Variants in MAD1L1 observed in about 807,000 individuals in gnomAD.
The protein encoded by MAD1L1 is mitotic spindle assembly checkpoint protein MAD1.
Under a neutral mutation model 96.9 loss-of-function variants are expected in MAD1L1, and 95 were observed. The observed-to-expected ratio is 0.98, with a 90% confidence interval of 0.83 to 1.16. The LOEUF (loss-of-function observed/expected upper bound fraction) is 1.16, where lower values mean the gene tolerates loss of function less well. MAD1L1 is among the 50% of genes most tolerant of loss of function. The probability of loss-of-function intolerance (pLI) is 0.00; values close to 1 mark genes in which losing one functional copy is unlikely to be tolerated. For synonymous variants in MAD1L1, 473 were observed against 396.6 expected (o/e 1.19, Z -2.29); for missense variants, 1,007 against 954.4 (o/e 1.06, Z -0.73).
At chr7:1,966,823 C>A (rs1413711065) in intron 15 of MAD1L1, among the ~76,000 whole-genome samples, 1 of 152,230 alleles carries the variant, frequency 6.6e-6, no homozygotes, top group Admixed American at 6.5e-5. Context: ...GAGGCGAGGG[C>A]CGCGGGCCGC....
chr7:2,215,095 C>T (rs750326206), intron 9 of MAD1L1, among the ~76,000 whole-genome samples: 1 of 152,120 alleles, frequency 6.6e-6, no homozygotes, highest in East Asian at 1.9e-4. Context: ...TTTAAAAAGC[C>T]TGGCCGGGCA....
intron 18 of MAD1L1, among the ~76,000 whole-genome samples, chr7:1,837,844 C>T (rs1239732000): frequency 6.6e-6 from 1 of 152,224 alleles, no homozygotes; most frequent in Non-Finnish European, 1.5e-5. Flanking sequence ...AAGGGTCTTG[C>T]CTTGATGGCC....
intron 14 of MAD1L1, among the ~76,000 whole-genome samples, chr7:1,995,882 G>A (rs1781531954): frequency 1.3e-5 from 2 of 152,196 alleles, no homozygotes; most frequent in African/African-American, 4.8e-5. Context: ...GCACTTCGTC[G>A]TGGAGCAGGA....
At chr7:2,214,734 G>C (rs188636018) in intron 9 of MAD1L1, among the ~76,000 whole-genome samples, 13 of 152,330 alleles carry the variant, frequency 8.5e-5, no homozygotes, top group Admixed American at 8.5e-4. Flanking sequence ...CTGAACCTCA[G>C]TTTCCTCCTC....
chr7:1,939,082 G>A (rs1160364443), intron 16 of MAD1L1, among the ~76,000 whole-genome samples: 1 of 126,420 alleles, frequency 7.9e-6, no homozygotes, highest in Non-Finnish European at 1.6e-5. Context: ...GCCGGGACCA[G>A]AGGCGCGCAC....
intron 16 of MAD1L1, among the ~76,000 whole-genome samples, chr7:1,948,885 A>C (rs950603075): frequency 3.3e-5 from 5 of 152,162 alleles, no homozygotes; most frequent in Admixed American, 1.3e-4. Context: ...CATCTGCCCC[A>C]CCTGCCTGGA....
At chr7:1,948,542 G>A (rs1779338615) in intron 16 of MAD1L1, among the ~76,000 whole-genome samples, 1 of 152,202 alleles carries the variant, frequency 6.6e-6, no homozygotes, top group African/African-American at 2.4e-5. Context: ...TTCCCGGCCT[G>A]AGACCCTGCT....
At chr7:2,160,172 A>G (rs1275311486) in intron 10 of MAD1L1, among the ~76,000 whole-genome samples, 2 of 151,702 alleles carry the variant, frequency 1.3e-5, no homozygotes, top group African/African-American at 2.4e-5. Flanking sequence ...CAGAGGCTAC[A>G]GTGAGCTATG....
chr7:2,070,437 A>G (rs982042388), intron 11 of MAD1L1, among the ~76,000 whole-genome samples: 2 of 152,122 alleles, frequency 1.3e-5, no homozygotes, highest in Non-Finnish European at 2.9e-5. Context: ...GCCAGGAGAG[A>G]TGAGAGGCCG....
At chr7:2,059,607 G>A (rs1284242022) in intron 12 of MAD1L1, among the ~76,000 whole-genome samples, 1 of 149,630 alleles carries the variant, frequency 6.7e-6, no homozygotes, top group African/African-American at 2.5e-5. Context: ...GGCTGGTGGG[G>A]AAGCGTGGCC....
intron 16 of MAD1L1, among the ~76,000 whole-genome samples, chr7:1,949,229 G>A (rs60724871): frequency 0.028 from 4,319 of 152,284 alleles, 202 homozygotes; most frequent in African/African-American, 0.098. Flanking sequence ...GCTGTCTGTA[G>A]AGTGGTGGCT....
chr7:1,962,790 T>G (rs1176419730), intron 15 of MAD1L1, among the ~76,000 whole-genome samples: 1 of 152,032 alleles, frequency 6.6e-6, no homozygotes, highest in Non-Finnish European at 1.5e-5. Context: ...ATGAAAACCT[T>G]TAAAAAACTA....
At chr7:1,819,864 AC>A (rs1782034928) in intron 18 of MAD1L1, among the ~76,000 whole-genome samples, 1 of 151,772 alleles carries the variant, frequency 6.6e-6, no homozygotes, top group African/African-American at 2.4e-5. Flanking sequence ...CAAGAACAAG[AC>A]CCCCTGCTGC....
At position 2,139,371 on chromosome 7, in the gene MAD1L1, C is replaced by G. The variant is rs1034039417; in HGVS notation, c.1073+9781G>C. Among the ~76,000 whole-genome samples, 21 of 152,058 alleles carry G rather than the reference C, an allele frequency of 1.4e-4. No individual in the cohort carries two copies. The East Asian group carries it at 3.5e-3, about 25-fold the overall frequency. On this transcript the variant is annotated intron_variant, in intron 11 of 18. Coordinates refer to ENST00000265854, the MANE Select transcript of MAD1L1 (RefSeq NM_001013836.2). ...AGTCCAGGGCTTGCCAAGGCGGGAGCGCTGCGGGCCCCAGGACGCACACTG... is the reference window on the plus strand; with the variant it reads ...AGTCCAGGGCTTGCCAAGGCGGGAGGGCTGCGGGCCCCAGGACGCACACTG...
At position 2,217,884 on chromosome 7, in the gene MAD1L1, C is replaced by A. The variant is rs1047204814; in HGVS notation, c.678+78G>T. 2.4e-5 allele frequency: 29 copies of A among 1,229,722 alleles called. No individual in the cohort carries two copies. In the East Asian group the frequency reaches 4.2e-4, roughly 18 times the overall value. The allele number at this position is 1,229,722 out of a possible 1,614,324, so 76.2% of individuals were successfully genotyped here. A position where few individuals can be genotyped will look rare whatever the true frequency, so the allele number is the denominator to read the frequency against. On this transcript the variant is annotated intron_variant, in intron 7 of 18. Transcript: ENST00000265854. ...GAAGGACCACGGAGCTCGGCACCAG[C>A]GCAGAAAGGCCGACAGGGGCAGGAG...
intron 18 of MAD1L1, among the ~76,000 whole-genome samples, chr7:1,821,092 AAGGGG>A (rs1238271699): frequency 3.0e-5 from 4 of 132,274 alleles, no homozygotes; most frequent in Non-Finnish European, 6.3e-5. Context: ...AAAAAAAAAA[AAGGGG>A]GGGGGGAGAG....
intron 12 of MAD1L1, among the ~76,000 whole-genome samples, chr7:2,060,144 T>A (rs770873012): frequency 2.7e-5 from 4 of 149,654 alleles, no homozygotes; most frequent in Non-Finnish European, 5.9e-5. Context: ...GATACGCAGA[T>A]GCCAAGATAC....
chr7:2,160,142 G>A (rs1790031870), intron 10 of MAD1L1, among the ~76,000 whole-genome samples: 1 of 151,484 alleles, frequency 6.6e-6, no homozygotes, highest in Admixed American at 6.6e-5. Context: ...GAGGCGGGAG[G>A]ATCTCTTGAG....
chr7:2,024,115 A>T (rs4721314), intron 12 of MAD1L1, among the ~76,000 whole-genome samples: 7,481 of 151,938 alleles, frequency 0.049, 257 homozygotes, highest in African/African-American at 0.089. Flanking sequence ...CATTAAAAAA[A>T]AAAAATAAAA....
Sources: gnomAD v4.1 joint callset for allele counts (sites outside exome capture counted in the v4.1 genomes callset) on GRCh38, gnomAD v4.1.1 for gene constraint, MANE v1.5 for transcripts, NCBI Gene and HGNC (gene_info 2026-07-23, HGNC 2026-07-21) for gene names.